Variants in HOMER1 observed in about 807,000 individuals in gnomAD.
The protein encoded by HOMER1 is homer protein homolog 1.
In HOMER1, 3 loss-of-function variants were observed where a neutral mutation model predicts 48.9. The observed-to-expected ratio is 0.06, with a 90% confidence interval of 0.03 to 0.16. The LOEUF (loss-of-function observed/expected upper bound fraction) is 0.16, where lower values mean the gene tolerates loss of function less well. Ranked by LOEUF, HOMER1 falls within the 10% of genes least tolerant of loss-of-function variation. The pLI is 1.00. For missense variants in HOMER1, 247 were observed against 411.4 expected (o/e 0.60, Z 3.46); for synonymous variants, 134 against 146.4 (o/e 0.92, Z 0.61).
At chr5:79,401,057 T>C (rs1306366008) in intron 6 of HOMER1, among the ~76,000 whole-genome samples, 2 of 151,426 alleles carry the variant, frequency 1.3e-5, no homozygotes, top group Non-Finnish European at 2.9e-5. Context: ...CTGATATTAA[T>C]GGTATTGAAA....
chr5:79,411,700 T>G (rs1266474341), intron 5 of HOMER1, among the ~76,000 whole-genome samples: 1 of 152,204 alleles, frequency 6.6e-6, no homozygotes, highest in African/African-American at 2.4e-5. Context: ...TCTCTCCCAT[T>G]CCTCCAGGGC....
At chr5:79,465,440 GT>G (rs1751430261) in intron 1 of HOMER1, among the ~76,000 whole-genome samples, 1 of 151,972 alleles carries the variant, frequency 6.6e-6, no homozygotes. Context: ...TTGCATTATA[GT>G]TATCAGAAAT....
intron 8 of HOMER1, among the ~76,000 whole-genome samples, chr5:79,393,091 TTCTGTAAGAC>T (rs1246575893): frequency 6.6e-6 from 1 of 152,114 alleles, no homozygotes; most frequent in Non-Finnish European, 1.5e-5. Flanking sequence ...CTTGCAACTT[TTCTGTAAGAC>T]TGAAATTATT....
intron 8 of HOMER1, among the ~76,000 whole-genome samples, chr5:79,378,411 C>CA (rs1318027361): frequency 6.6e-6 from 1 of 152,062 alleles, no homozygotes; most frequent in Non-Finnish European, 1.5e-5. Flanking sequence ...AATCGAATCT[C>CA]AAACTATTGA....
At chr5:79,385,594 C>T (rs12516257) in intron 8 of HOMER1, among the ~76,000 whole-genome samples, 32,271 of 151,964 alleles carry the variant, frequency 0.21, 4,518 homozygotes, top group East Asian at 0.45. Flanking sequence ...ATGGTCCTAG[C>T]ACTGTGGGAG....
At chr5:79,420,534 A>G (rs1750067493) in intron 5 of HOMER1, among the ~76,000 whole-genome samples, 1 of 152,198 alleles carries the variant, frequency 6.6e-6, no homozygotes, top group African/African-American at 2.4e-5. Context: ...CACTTTCCAT[A>G]ACAGTAATTA....
intron 1 of HOMER1, among the ~76,000 whole-genome samples, chr5:79,461,002 A>G (rs1751303990): frequency 6.6e-6 from 1 of 152,166 alleles, no homozygotes. Flanking sequence ...AGGAGTTCAG[A>G]TGCCTACAGG....
intron 5 of HOMER1, among the ~76,000 whole-genome samples, chr5:79,420,053 A>G (rs562470191): frequency 9.8e-5 from 15 of 152,330 alleles, no homozygotes; most frequent in African/African-American, 3.4e-4. Flanking sequence ...TGATGCTAGT[A>G]TTGTGACGGT....
Position 79,447,331 on chromosome 5 carries a change from G to A in HOMER1, c.295-186C>T, listed in dbSNP as rs77295277. Among the ~76,000 whole-genome samples the A allele has an allele frequency of 3.9e-3, 596 of 152,240 alleles. 3 individuals are homozygous for A. Among genetic ancestry groups the A allele is most frequent in the African/African-American group, 0.013 (552 of 41,530 alleles). On this transcript the variant is annotated intron_variant, in intron 3 of 8. Transcript: ENST00000334082. ...AACCTAATTCCAAACAGTTGTCTGTGCACTATGAAGTATTTTGACAAATCT... is the reference window on the plus strand; with the variant it reads ...AACCTAATTCCAAACAGTTGTCTGTACACTATGAAGTATTTTGACAAATCT...
intron 5 of HOMER1, among the ~76,000 whole-genome samples, chr5:79,430,394 GA>G (rs1234651623): frequency 6.6e-6 from 1 of 152,196 alleles, no homozygotes; most frequent in Non-Finnish European, 1.5e-5. Flanking sequence ...ATGACATGGA[GA>G]AATCAGAACC....
chr5:79,408,811 G>GGGT (rs34702063), intron 5 of HOMER1, among the ~76,000 whole-genome samples: 56,218 of 151,788 alleles, frequency 0.37, 13,663 homozygotes, highest in Non-Finnish European at 0.54. Context: ...GAGGCCAAGG[G>GGGT]GGTGGCTCAT....
intron 1 of HOMER1, among the ~76,000 whole-genome samples, chr5:79,469,834 T>C (rs759137125): frequency 2.6e-5 from 4 of 152,128 alleles, no homozygotes; most frequent in Non-Finnish European, 5.9e-5. Context: ...ACAAAAACTA[T>C]AGACAAAACT....
intron 1 of HOMER1, among the ~76,000 whole-genome samples, chr5:79,486,931 G>A (rs753647056): frequency 4.6e-5 from 7 of 152,330 alleles, no homozygotes; most frequent in Middle Eastern, 3.4e-3. Context: ...ACATTTGACA[G>A]CAAAGTACCC....
chr5:79,475,284 G>A (rs1010706227), intron 1 of HOMER1, among the ~76,000 whole-genome samples: 2 of 152,088 alleles, frequency 1.3e-5, no homozygotes, highest in African/African-American at 4.8e-5. Flanking sequence ...TGGCTCTAGA[G>A]CCCGTATCTT....
At chr5:79,441,347 A>T (rs888550822) in intron 4 of HOMER1, among the ~76,000 whole-genome samples, 1 of 152,064 alleles carries the variant, frequency 6.6e-6, no homozygotes, top group African/African-American at 2.4e-5. Context: ...CTTCTGGGAT[A>T]AATGCTCCGG....
chr5:79,450,386 G>C (rs190035699), intron 3 of HOMER1, among the ~76,000 whole-genome samples: 3 of 152,190 alleles, frequency 2.0e-5, no homozygotes, highest in African/African-American at 7.2e-5. Flanking sequence ...TTTGCTTATT[G>C]ACAGGAGAAC....
rs367742665 is a variant in HOMER1, at chr5:79,500,927, T to TTGTGTGTGTGTGTGTG, written c.5+11827_5+11842dup. On this transcript the variant is annotated intron_variant, in intron 1 of 8. Transcript: ENST00000334082. ...GGCGTGAGCCACTGCACCCAGCCAT[T>TTGTGTGTGTGTGTGTG]TGTGTGTGTGTGTGTGTGTGTGTGT... Among the ~76,000 whole-genome samples, 1,161 of 124,306 alleles carry TTGTGTGTGTGTGTGTG rather than the reference T, an allele frequency of 9.3e-3. 7 individuals are homozygous for TTGTGTGTGTGTGTGTG. The highest frequency in any genetic ancestry group is 0.021 in the African/African-American group (575 of 27,280). The allele number at this position is 124,306 out of a possible 152,430, so 81.5% of individuals were successfully genotyped here.
chr5:79,373,425 C>T lies in HOMER1; in HGVS notation c.*2584G>A, dbSNP rs1748684435. On this transcript the variant is annotated 3_prime_UTR_variant, in exon 9 of 9. Coordinates refer to ENST00000334082, the MANE Select transcript of HOMER1 (RefSeq NM_004272.5). ...AGTCCACATGTTCAGGCTATAGTCC[C>T]CAACATTATTTTCTGAGAAATATAT... 1 of 151,472 alleles carries T rather than the reference C, an allele frequency of 6.6e-6. No individual in the cohort carries two copies. The highest frequency in any genetic ancestry group is 1.5e-5 in the Non-Finnish European group (1 of 67,852). The allele number at this position is 151,472 out of a possible 1,614,324, so 9.4% of individuals were successfully genotyped here. A position where few individuals can be genotyped will look rare whatever the true frequency, so the allele number is the denominator to read the frequency against.
At chr5:79,394,072 T>C (rs1297344848) in intron 8 of HOMER1, among the ~76,000 whole-genome samples, 1 of 152,184 alleles carries the variant, frequency 6.6e-6, no homozygotes, top group African/African-American at 2.4e-5. Flanking sequence ...ACAATGGGCA[T>C]GTTTTTCATA....
Sources: allele counts gnomAD v4.1 joint callset (sites outside exome capture counted in the v4.1 genomes callset), GRCh38; gene constraint gnomAD v4.1.1; transcripts MANE v1.5; gene names NCBI Gene and HGNC (gene_info 2026-07-23, HGNC 2026-07-21).